Variants in TNS1 observed in about 807,000 individuals in gnomAD.
TNS1 encodes tensin 1.
Under a neutral mutation model 168.6 loss-of-function variants are expected in TNS1, and 62 were observed. The ratio of observed to expected loss-of-function variants is 0.37; its 90% CI spans 0.30 to 0.45. The LOEUF (loss-of-function observed/expected upper bound fraction) is 0.45, where lower values mean the gene tolerates loss of function less well. Ranked by LOEUF, TNS1 falls within the 20% of genes least tolerant of loss-of-function variation. The pLI, the probability that TNS1 is intolerant of heterozygous loss-of-function variation, is 1.00. For missense variants in TNS1, 2,240 were observed against 2,339.4 expected (o/e 0.96, Z 0.88); for synonymous variants, 934 against 933.2 (o/e 1.00, Z -0.02).
rs1211875522 is a variant in TNS1, at chr2:217,920,211, G to T, written c.212C>A (p.Ser71Tyr). The stretch of plus-strand genomic sequence containing the variant: ...GTCACTCACCACCAGCTCATGGTTG[G>T]ATGGAGGAACGCAGGGGGCAGCCAC... ...AKVAAPCVPP[S>Y]NHELVPITTE... Residue 71 changes from serine (S) to tyrosine (Y), a missense_variant, in exon 4 of 33, where the codon TCC becomes TAC. Coordinates refer to ENST00000682258, the MANE Select transcript of TNS1 (RefSeq NM_001387777.1). 2.3e-5 allele frequency: 16 copies of T among 702,934 alleles called. No homozygotes were observed. The highest frequency in any genetic ancestry group is 4.2e-5 in the Non-Finnish European group (16 of 385,014). The allele number at this position is 702,934 out of a possible 1,614,324, so 43.5% of individuals were successfully genotyped here.
chr2:217,807,483 G>A (rs116380113), intron 32 of TNS1, among the ~76,000 whole-genome samples: 1,845 of 152,302 alleles, frequency 0.012, 20 homozygotes, highest in Non-Finnish European at 0.019. Context: ...GCATCTTAGT[G>A]CTATTTAGAC....
At chr2:217,820,318 G>GA (rs1188842351) in intron 23 of TNS1, among the ~76,000 whole-genome samples, 1 of 152,180 alleles carries the variant, frequency 6.6e-6, no homozygotes, top group Non-Finnish European at 1.5e-5. Flanking sequence ...GACAACTTAG[G>GA]AAAATCCCCT....
Position 217,848,081 on chromosome 2 carries a change from C to T in TNS1, c.2436G>A (p.Glu812=). 6.5e-7 allele frequency: 1 copy of T among 1,549,584 alleles called. No homozygotes were observed. The highest frequency in any genetic ancestry group is 8.7e-7 in the Non-Finnish European group (1 of 1,147,970). ...ASRPSPQPLA[E]TPIPSLPEFP... ...ACTCAGGGAGACTGGGGATGGGGGT[C>T]TCTGCCAATGGCTGAGGGCTGGGCC... The change falls in exon 19 of 33, where the codon GAG becomes GAA. Residue 812 remains glutamate, a synonymous_variant. Coordinates refer to ENST00000682258, the MANE Select transcript of TNS1 (RefSeq NM_001387777.1).
chr2:217,884,034 T>C (rs943390890), intron 16 of TNS1, among the ~76,000 whole-genome samples: 67 of 151,784 alleles, frequency 4.4e-4, no homozygotes, highest in African/African-American at 1.6e-3. Flanking sequence ...GAGGAAACTG[T>C]GAACTCCCTG....
chr2:217,933,794 G>A (rs545561969), intron 3 of TNS1, among the ~76,000 whole-genome samples: 46 of 152,120 alleles, frequency 3.0e-4, no homozygotes, highest in Non-Finnish European at 5.7e-4. Flanking sequence ...TAAGGCACAC[G>A]GGCAGAAGCT....
intron 3 of TNS1, among the ~76,000 whole-genome samples, chr2:217,924,518 T>C (rs1955907922): frequency 6.6e-6 from 1 of 152,156 alleles, no homozygotes; most frequent in African/African-American, 2.4e-5. Context: ...CAGCACACAG[T>C]AGGTACACAA....
rs138077109 is a variant in TNS1 at position 217,994,996 on chromosome 2, C to G, written c.34-3940G>C. The stretch of plus-strand genomic sequence containing the variant: ...ATGAAAATGAGGAGTTTGGACCAGA[C>G]AGTCTGAGTGTAGAGAGAGGGGGAA... On this transcript the variant is annotated intron_variant, in intron 1 of 32. Coordinates refer to ENST00000682258, the MANE Select transcript of TNS1 (RefSeq NM_001387777.1). Among the ~76,000 whole-genome samples the G allele has an allele frequency of 4.4e-3, 669 of 152,260 alleles. 5 individuals are homozygous for G. Among genetic ancestry groups the G allele is most frequent in the African/African-American group, 0.015 (639 of 41,532 alleles).
chr2:217,937,030 C>T (rs2125923365), intron 3 of TNS1: 1 of 456,764 alleles, frequency 2.2e-6, no homozygotes, highest in East Asian at 7.0e-5. Flanking sequence ...GAAGTCTTTG[C>T]CCCTTTTCCT....
chr2:217,850,021 C>T (rs1947248344), intron 18 of TNS1: 1 of 985,320 alleles, frequency 1.0e-6, no homozygotes, highest in South Asian at 4.7e-5. Flanking sequence ...TTTCCAGAGG[C>T]TCCTCCCAGC....
chr2:217,810,307 T>G lies in TNS1; in HGVS notation c.5045A>C (p.Glu1682Ala), dbSNP rs1214666698. 6.2e-7 allele frequency: 1 copy of G among 1,614,224 alleles called. No homozygotes were observed. Among genetic ancestry groups the G allele is most frequent in the East Asian group, 2.2e-5 (1 of 44,884 alleles). Reference sequence around the variant, plus strand: ...GGCAGGGCCGGAGCTATCTTTCGATTCATCTGTGGGGTCTAAGACAAAAAT... The same window carrying G: ...GGCAGGGCCGGAGCTATCTTTCGATGCATCTGTGGGGTCTAAGACAAAAAT... Reference protein sequence around the residue: ...LVIPNRDPTDESKDSSGPANS... With the variant: ...LVIPNRDPTDASKDSSGPANS... Residue 1682 changes from glutamate to alanine, a missense_variant, in exon 29 of 33, where the codon GAA becomes GCA. Glu to Ala is a moderately radical substitution (Grantham distance 107). Transcript: ENST00000682258.
rs143481611 is a variant in TNS1, at chr2:217,909,791, C to T, written c.229-2540G>A. ...TTTGGACTGACTGCTCCCTAAAAGG[C>T]CTTGGCAGCAGACTGCCCAGGTCCA... is the stretch of plus-strand genomic sequence containing the variant. On this transcript the variant is annotated intron_variant, in intron 4 of 32. Transcript: ENST00000682258. Among the ~76,000 whole-genome samples the T allele has an allele frequency of 1.2e-4, 18 of 152,274 alleles. No individual in the cohort carries two copies. The East Asian group carries it at 3.5e-3, about 29-fold the overall frequency.
In TNS1 at chr2:217,886,610, G is replaced by A. The variant is rs772889809; in HGVS notation, c.903C>T (p.Ser301=). The part of the protein sequence containing the change: ...VHYFSGLLSG[S]IKMNNKPLFL... ...ACAAGGGCTTGTTGTTCATTTTGAT[G>A]GAGCCGGAGAGCAGGCCACTGAAGT... The change falls in exon 13 of 33, where the codon TCC becomes TCT. Residue 301 remains serine (S), a synonymous_variant. Transcript: ENST00000682258. 31 of 1,600,454 alleles carry A rather than the reference G, an allele frequency of 1.9e-5. No individual in the cohort carries two copies. Among genetic ancestry groups the A allele is most frequent in the Non-Finnish European group, 2.4e-5 (28 of 1,173,764 alleles).
chr2:217,861,736 T>C (rs1026169861), intron 18 of TNS1, among the ~76,000 whole-genome samples: 4 of 152,196 alleles, frequency 2.6e-5, no homozygotes, highest in Non-Finnish European at 4.4e-5. Context: ...GTGCAAAGAC[T>C]GATATAACAC....
upstream of TNS1, among the ~76,000 whole-genome samples, chr2:218,014,870 CGGAAGGAA>C (rs56964991): frequency 0.026 from 2,526 of 97,962 alleles, 57 homozygotes; most frequent in African/African-American, 0.057. Context: ...GAAGGAAGGA[CGGAAGGAA>C]GGAAGGAAGG....
intron 3 of TNS1, among the ~76,000 whole-genome samples, chr2:217,950,546 C>T (rs149796980): frequency 5.3e-5 from 8 of 151,332 alleles, no homozygotes; most frequent in Admixed American, 1.3e-4. Flanking sequence ...TGGCTGGTGG[C>T]GGAACACTTG....
intron 3 of TNS1, among the ~76,000 whole-genome samples, chr2:217,958,760 C>G (rs562932002): frequency 1.3e-5 from 2 of 152,332 alleles, no homozygotes; most frequent in South Asian, 4.1e-4. Flanking sequence ...GGTAAGCAAC[C>G]AGTCCAGCGG....
chr2:217,941,102 T>C (rs1432346436), intron 3 of TNS1, among the ~76,000 whole-genome samples: 3 of 152,184 alleles, frequency 2.0e-5, no homozygotes, highest in Admixed American at 6.5e-5. Flanking sequence ...CTGAGGCTCA[T>C]ATGAGACCCA....
At chr2:217,890,226 A>C (rs979154566) in intron 12 of TNS1, 1 of 152,264 alleles carries the variant, frequency 6.6e-6, no homozygotes, top group Non-Finnish European at 1.5e-5. Context: ...TCCCTATTAA[A>C]AGAGCCCCGT....
intron 23 of TNS1, among the ~76,000 whole-genome samples, chr2:217,819,769 G>A (rs769603082): frequency 6.6e-6 from 1 of 152,132 alleles, no homozygotes; most frequent in Non-Finnish European, 1.5e-5. Flanking sequence ...AGAAACAAAG[G>A]TTGACAGGGG....
Sources: allele counts gnomAD v4.1 joint callset (sites outside exome capture counted in the v4.1 genomes callset), GRCh38; gene constraint gnomAD v4.1.1; transcripts MANE v1.5; gene names NCBI Gene and HGNC (gene_info 2026-07-23, HGNC 2026-07-21).